Variants in PTPRQ observed in about 807,000 individuals in gnomAD.
PTPRQ encodes the protein phosphatidylinositol phosphatase PTPRQ.
Under a neutral mutation model 246.0 loss-of-function variants are expected in PTPRQ, and 199 were observed. That is an observed-to-expected ratio of 0.81 (90% CI 0.72 to 0.91). The LOEUF (loss-of-function observed/expected upper bound fraction) is 0.91, where lower values mean the gene tolerates loss of function less well. Among genes scored for constraint, PTPRQ ranks in the 40% least tolerant of loss-of-function variants. The pLI is 0.00. For missense variants in PTPRQ, 2,624 were observed against 2,528.4 expected (o/e 1.04, Z -0.81); for synonymous variants, 869 against 853.2 (o/e 1.02, Z -0.32).
At chr12:80,532,954 C>T (rs901587577) in intron 17 of PTPRQ, among the ~76,000 whole-genome samples, 1 of 152,068 alleles carries the variant, frequency 6.6e-6, no homozygotes, top group Non-Finnish European at 1.5e-5. Flanking sequence ...ATTTATTATT[C>T]CTCCTAATGA....
chr12:80,653,838 T>C (rs920501088), intron 38 of PTPRQ, among the ~76,000 whole-genome samples: 2 of 152,140 alleles, frequency 1.3e-5, no homozygotes, highest in African/African-American at 4.8e-5. Flanking sequence ...ATATAGGAAG[T>C]AGTAATCTAC....
chr12:80,661,253 A>C (rs1900620989), intron 39 of PTPRQ, among the ~76,000 whole-genome samples: 1 of 149,456 alleles, frequency 6.7e-6, no homozygotes, highest in Non-Finnish European at 1.5e-5. Context: ...GTATACATAA[A>C]TATATTTGTA....
In PTPRQ at chr12:80,499,254, A is replaced by G. The variant is rs75080029; in HGVS notation, c.2272+2723A>G. The stretch of plus-strand genomic sequence containing the variant: ...CCTAGCCAGGCCTAACAATCAGAGT[A>G]TAGGGTTTAATGCCCATCTTCCTAA... On this transcript the variant is annotated intron_variant, in intron 14 of 44. Transcript: ENST00000644991. Among the ~76,000 whole-genome samples the G allele has an allele frequency of 2.2e-4, 33 of 152,154 alleles. No individual in the cohort carries two copies. The East Asian group carries it at 6.2e-3, about 29-fold the overall frequency.
rs1320051384 is a variant in PTPRQ, at chr12:80,648,901, C to G, written c.5920C>G (p.Leu1974Val). The change falls in exon 36 of 45, where the codon CTT (leucine) becomes GTT (valine). Residue 1974 changes from leucine (L) to valine (V), a missense_variant. By Grantham distance (32) the Leu-to-Val change is conservative. Coordinates refer to ENST00000644991, the MANE Select transcript of PTPRQ (RefSeq NM_001145026.2). The stretch of plus-strand genomic sequence containing the variant: ...TTAACACAATCTCTATTGCAGGTTA[C>G]TTAGTTATAGAAAATCCATCAAGTA... ...ELKDERLTRL[L>V]SYRKSIKPIS... 2.0e-6 allele frequency: 3 copies of G among 1,528,798 alleles called. No homozygotes were observed. In the East Asian group the frequency reaches 7.6e-5, roughly 39 times the overall value. 94.7% of individuals were successfully genotyped at this position (1,528,798 alleles called of 1,614,324 possible).
At chr12:80,532,629 T>A (rs1243406802) in intron 17 of PTPRQ, among the ~76,000 whole-genome samples, 1 of 152,166 alleles carries the variant, frequency 6.6e-6, no homozygotes, top group Non-Finnish European at 1.5e-5. Flanking sequence ...TGAAAAGGCA[T>A]CTTTTCTGGC....
At chr12:80,472,063 C>T (rs1893655386) in intron 7 of PTPRQ, 42 bp from the exon 8 acceptor site, 1 of 1,549,374 alleles carries the variant, frequency 6.5e-7, no homozygotes. Context: ...TGATTGCACG[C>T]TTGATAAAAA....
At chr12:80,618,911 T>A (rs913846895) in intron 30 of PTPRQ, among the ~76,000 whole-genome samples, 1 of 151,546 alleles carries the variant, frequency 6.6e-6, no homozygotes, top group Non-Finnish European at 1.5e-5. Flanking sequence ...TATTTTTATA[T>A]GATTATGTGA....
rs1313556205 is a variant in PTPRQ at position 80,495,376 on chromosome 12, A to C, written c.1882+5A>C. On this transcript the variant is annotated splice_donor_5th_base_variant and intron_variant, in intron 12 of 44. Coordinates refer to ENST00000644991, the MANE Select transcript of PTPRQ (RefSeq NM_001145026.2). ...ATAACAGCTTTCTCATAACAGGTAG[A>C]AAACAATGTTTTGTTGTTGTTGTTG... 9.0e-6 allele frequency: 13 copies of C among 1,452,502 alleles called. No individual in the cohort carries two copies. In the South Asian group the frequency reaches 1.8e-4, roughly 20 times the overall value. 90.0% of individuals were successfully genotyped at this position (1,452,502 alleles called of 1,614,324 possible). A position where few individuals can be genotyped will look rare whatever the true frequency, so the allele number is the denominator to read the frequency against.
At position 80,510,430 on chromosome 12, in the gene PTPRQ, A is replaced by G; in HGVS notation, c.2665A>G (p.Thr889Ala). Residue 889 changes from threonine (T) to alanine (A), a missense_variant, in exon 17 of 45, where the codon ACA becomes GCA. By Grantham distance (58) the Thr-to-Ala change is moderately conservative (BLOSUM62 0). Coordinates refer to ENST00000644991, the MANE Select transcript of PTPRQ (RefSeq NM_001145026.2). ...LEPNGIILYY[T>A]VYVWNRSSLK... ...GCCAAATGGAATTATCCTTTATTAC[A>G]CAGTTTATGTCTGGTAATAATTTTT... The G allele has an allele frequency of 3.2e-6, 5 of 1,549,560 alleles. No homozygotes were observed. Among genetic ancestry groups the G allele is most frequent in the Non-Finnish European group, 4.4e-6 (5 of 1,145,688 alleles).
intron 39 of PTPRQ, among the ~76,000 whole-genome samples, chr12:80,666,611 A>C (rs1231769456): frequency 6.6e-6 from 1 of 152,000 alleles, no homozygotes; most frequent in Non-Finnish European, 1.5e-5. Context: ...GGATGTGCTC[A>C]TTACCCTGAC....
chr12:80,673,375 A>G (rs1901034979), intron 43 of PTPRQ, 71 bp downstream of exon 43: 2 of 1,508,918 alleles, frequency 1.3e-6, no homozygotes, highest in Admixed American at 2.3e-5. Context: ...AGTGGCAGCA[A>G]TCTGGATGGA....
In PTPRQ at chr12:80,481,520, C is replaced by G. The variant is rs11513781; in HGVS notation, c.1187-2913C>G. On this transcript the variant is annotated intron_variant, in intron 8 of 44. Transcript: ENST00000644991. ...ATTCAACATAGTGTTGGAAGTTCTG[C>G]CCAGGGCAATTAGGCAGGAGAAGGA... is the stretch of plus-strand genomic sequence containing the variant. 7.1e-4 allele frequency among the ~76,000 whole-genome samples: 108 copies of G among 151,790 alleles called. 1 individual carries two copies. In the South Asian group the frequency reaches 8.5e-3, roughly 12 times the overall value.
intron 33 of PTPRQ, among the ~76,000 whole-genome samples, chr12:80,630,203 C>A (rs910463287): frequency 6.6e-6 from 1 of 151,656 alleles, no homozygotes; most frequent in African/African-American, 2.4e-5. Context: ...TGTTCTGTTT[C>A]TTCTATTATT....
chr12:80,589,549 T>A (rs76253251), intron 26 of PTPRQ, among the ~76,000 whole-genome samples: 1,698 of 152,356 alleles, frequency 0.011, 27 homozygotes, highest in African/African-American at 0.038. Context: ...ATGTTAGTAC[T>A]TATAGATAGT....
At chr12:80,607,678 G>A (rs60862474) in intron 27 of PTPRQ, among the ~76,000 whole-genome samples, 8,723 of 150,790 alleles carry the variant, frequency 0.058, 559 homozygotes, top group African/African-American at 0.15. Flanking sequence ...CATTGCACTT[G>A]GGACTTATTG....
In PTPRQ at chr12:80,657,938, A is replaced by G; in HGVS notation, c.6116-47A>G. 4.6e-6 allele frequency: 6 copies of G among 1,295,668 alleles called. No individual in the cohort carries two copies. In the South Asian group the frequency reaches 1.1e-4, roughly 24 times the overall value. 80.3% of individuals were successfully genotyped at this position (1,295,668 alleles called of 1,614,324 possible). A position where few individuals can be genotyped will look rare whatever the true frequency, so the allele number is the denominator to read the frequency against. On this transcript the variant is annotated intron_variant, in intron 38 of 44. Transcript: ENST00000644991. ...TACTTTTATAGTAAAAAAAGTAGTA[A>G]CAATTTAAAAAGCCAATTAACATTG...
intron 9 of PTPRQ, among the ~76,000 whole-genome samples, chr12:80,487,222 C>T (rs1894305631): frequency 6.6e-6 from 1 of 151,992 alleles, no homozygotes; most frequent in African/African-American, 2.4e-5. Context: ...AAATTTCTCC[C>T]CATAAAACAA....
At chr12:80,462,262 C>T (rs1565720366) in intron 6 of PTPRQ, among the ~76,000 whole-genome samples, 1 of 152,266 alleles carries the variant, frequency 6.6e-6, no homozygotes, top group Non-Finnish European at 1.5e-5. Context: ...TGCCTGATTG[C>T]TAGCACAGCA....
intron 25 of PTPRQ, among the ~76,000 whole-genome samples, chr12:80,576,217 C>T (rs569983445): frequency 1.3e-5 from 2 of 152,250 alleles, no homozygotes; most frequent in African/African-American, 2.4e-5. Flanking sequence ...TCTCGGCTCA[C>T]TGCAACCTCC....
Sources: allele counts gnomAD v4.1 joint callset (sites outside exome capture counted in the v4.1 genomes callset), GRCh38; gene constraint gnomAD v4.1.1; transcripts MANE v1.5; gene names NCBI Gene and HGNC (gene_info 2026-07-23, HGNC 2026-07-21).